The following TAS2R1 variants were observed in gnomAD, a reference collection of about 807,000 sequenced individuals.
TAS2R1 encodes taste 2 receptor member 1.
For missense variants in TAS2R1, 370 were observed against 353.4 expected, an observed-to-expected ratio of 1.05 and a Z score of -0.38; for synonymous variants, 141 against 134.2, an observed-to-expected ratio of 1.05 and a Z score of -0.35.
At position 9,701,455 on chromosome 5, in the gene TAS2R1, A is replaced by C. The variant is rs376076921; in HGVS notation, c.-242+10717T>G. On this transcript the variant is annotated intron_variant, in intron 1 of 2. Transcript: ENST00000506620. ...GAAGAATGAAATATGAAAGGGTGAC[A>C]TTGGGTGTTTCAAAACTCCTCCTCA... Among the ~76,000 whole-genome samples, 9 of 152,274 alleles carry C rather than the reference A, an allele frequency of 5.9e-5. No individual in the cohort carries two copies. The East Asian group carries it at 1.7e-3, about 29-fold the overall frequency.
At chr5:9,774,463 C>T in the TAS2R1 span, among the ~76,000 whole-genome samples, 1 of 152,148 alleles carries the variant, frequency 6.6e-6, no homozygotes, top group African/African-American at 2.4e-5. Flanking sequence ...TCACGTTTTC[C>T]TGGAAGGTCT....
At chr5:9,733,262 G>A in the TAS2R1 span, among the ~76,000 whole-genome samples, 1 of 152,162 alleles carries the variant, frequency 6.6e-6, no homozygotes, top group Non-Finnish European at 1.5e-5. Context: ...AGTTTTATTG[G>A]AACACAGCCA....
At position 9,629,867 on chromosome 5, in the gene TAS2R1, T is replaced by C. The variant is rs375904658; in HGVS notation, c.166A>G (p.Ile56Val). Reference protein sequence around the residue: ...LLLSCLAVSRIFLQLFIFYVN... With the variant: ...LLLSCLAVSRVFLQLFIFYVN... The stretch of plus-strand genomic sequence containing the variant: ...TAGAAGATGAACAACTGCAGAAAAA[T>C]TCTAGAAACTGCCAGACAAGAAAGA... Residue 56 changes from isoleucine (I) to valine (V), a missense_variant, in exon 1 of 1, where the codon ATT becomes GTT. Coordinates refer to ENST00000382492, the MANE Select transcript of TAS2R1 (RefSeq NM_019599.3). 1.9e-6 allele frequency: 3 copies of C among 1,613,396 alleles called. No homozygotes were observed. The African/African-American group carries it at 4.0e-5, about 22-fold the overall frequency.
chr5:9,892,659 C>A, the TAS2R1 span, among the ~76,000 whole-genome samples: 5 of 152,118 alleles, frequency 3.3e-5, no homozygotes, highest in Admixed American at 3.3e-4. Flanking sequence ...TCTTGATTCC[C>A]TGCACTTGAC....
At chr5:9,679,119 C>T (rs1407977264) in intron 1 of TAS2R1, among the ~76,000 whole-genome samples, 2 of 152,086 alleles carry the variant, frequency 1.3e-5, no homozygotes, top group South Asian at 2.1e-4. Context: ...AATGCTACAT[C>T]GTGTATGATT....
chr5:9,662,125 G>C (rs1412050928), intron 1 of TAS2R1, among the ~76,000 whole-genome samples: 1 of 152,134 alleles, frequency 6.6e-6, no homozygotes, highest in East Asian at 1.9e-4. Flanking sequence ...CCATTTCTCA[G>C]TCCCCTTTGA....
chr5:9,805,553 TC>T, the TAS2R1 span, among the ~76,000 whole-genome samples: 3 of 152,234 alleles, frequency 2.0e-5, no homozygotes, highest in Admixed American at 6.5e-5. Flanking sequence ...TCCACCATGA[TC>T]AAGTGGGTCT....
upstream of TAS2R1, among the ~76,000 whole-genome samples, chr5:9,632,935 T>C (rs1472248168): frequency 6.6e-6 from 1 of 151,980 alleles, no homozygotes; most frequent in Non-Finnish European, 1.5e-5. Flanking sequence ...GTATCTAAAA[T>C]GGTGAATCCT....
At chr5:9,807,770 G>A in the TAS2R1 span, among the ~76,000 whole-genome samples, 1 of 152,282 alleles carries the variant, frequency 6.6e-6, no homozygotes, top group East Asian at 1.9e-4. Context: ...CAAGGGTAAT[G>A]ATGAGAGGTA....
chr5:9,716,545 T>TTTTA (rs1274897169), upstream of TAS2R1, among the ~76,000 whole-genome samples: 401 of 148,514 alleles, frequency 2.7e-3, 1 homozygote, highest in African/African-American at 8.6e-3. Flanking sequence ...AGTACATATA[T>TTTTA]TATATATATA....
At chr5:9,874,682 T>C in the TAS2R1 span, among the ~76,000 whole-genome samples, 1 of 152,200 alleles carries the variant, frequency 6.6e-6, no homozygotes, top group Admixed American at 6.5e-5. Flanking sequence ...GCGCTACAGG[T>C]CTTTCTTGAT....
At chr5:9,773,706 T>G in the TAS2R1 span, among the ~76,000 whole-genome samples, 1 of 152,200 alleles carries the variant, frequency 6.6e-6, no homozygotes, top group Non-Finnish European at 1.5e-5. Flanking sequence ...TTCTAGGATA[T>G]AAGATTTTTC....
At chr5:9,837,121 A>C in the TAS2R1 span, among the ~76,000 whole-genome samples, 7 of 152,210 alleles carry the variant, frequency 4.6e-5, no homozygotes, top group Non-Finnish European at 7.3e-5. Flanking sequence ...AGATGAACCC[A>C]AAGGCTTAGG....
At chr5:9,655,844 T>C (rs1372330595) in intron 2 of TAS2R1, among the ~76,000 whole-genome samples, 1 of 151,120 alleles carries the variant, frequency 6.6e-6, no homozygotes. Context: ...TTTTCCTGCC[T>C]CTGTGGTTTT....
rs533734607 is a variant in TAS2R1, at chr5:9,682,504, C to T, written c.-241-22923G>A. Reference sequence around the variant, plus strand: ...TCATCTGCCAAACTCACAGTCAGCCCGTCACCCTTCCTTCTGTGTGACCCT... The same window carrying T: ...TCATCTGCCAAACTCACAGTCAGCCTGTCACCCTTCCTTCTGTGTGACCCT... On this transcript the variant is annotated intron_variant, in intron 1 of 2. Transcript: ENST00000506620. 9.9e-5 allele frequency among the ~76,000 whole-genome samples: 15 copies of T among 152,214 alleles called. No individual in the cohort carries two copies. The East Asian group carries it at 2.5e-3, about 25-fold the overall frequency.
At chr5:9,725,895 G>A in the TAS2R1 span, among the ~76,000 whole-genome samples, 10 of 150,360 alleles carry the variant, frequency 6.7e-5, no homozygotes, top group African/African-American at 2.5e-4. Context: ...TGCACCAGTG[G>A]ACACTCTGTA....
At chr5:9,820,280 G>A in the TAS2R1 span, among the ~76,000 whole-genome samples, 1 of 152,146 alleles carries the variant, frequency 6.6e-6, no homozygotes, top group Non-Finnish European at 1.5e-5. Context: ...AATTTCTGTG[G>A]AAGAAAGATA....
chr5:9,783,581 T>C, the TAS2R1 span, among the ~76,000 whole-genome samples: 1 of 152,238 alleles, frequency 6.6e-6, no homozygotes, highest in Admixed American at 6.5e-5. Context: ...GATTACAACA[T>C]TGTAAATTAT....
chr5:9,770,903 T>C, the TAS2R1 span, among the ~76,000 whole-genome samples: 3 of 152,330 alleles, frequency 2.0e-5, no homozygotes, highest in South Asian at 2.1e-4. Context: ...TCTTGTCTGA[T>C]TGCTCTAATT....
Sources: gnomAD v4.1 joint callset for allele counts (sites outside exome capture counted in the v4.1 genomes callset) on GRCh38, gnomAD v4.1.1 for gene constraint, MANE v1.5 for transcripts, NCBI Gene and HGNC (gene_info 2026-07-23, HGNC 2026-07-21) for gene names.